MTMR3: variants seen among roughly 807,000 people sequenced by gnomAD.
MTMR3 encodes myotubularin related protein 3.
A neutral mutation model predicts 132.4 loss-of-function variants in MTMR3; 32 were observed. The ratio of observed to expected loss-of-function variants is 0.24; its 90% CI spans 0.18 to 0.32. The LOEUF (loss-of-function observed/expected upper bound fraction) is 0.32. MTMR3 is among the 10% of genes least tolerant of loss of function. The pLI, the probability that MTMR3 is intolerant of heterozygous loss-of-function variation, is 1.00. For synonymous variants in MTMR3, 556 were observed against 550.3 expected (o/e 1.01, Z -0.14); for missense variants, 1,216 against 1,489.6 (o/e 0.82, Z 3.02).
At chr22:29,947,899 CT>C (rs1186810944) in intron 1 of MTMR3, among the ~76,000 whole-genome samples, 1 of 152,030 alleles carries the variant, frequency 6.6e-6, no homozygotes, top group Non-Finnish European at 1.5e-5. Flanking sequence ...AGTTTCTGGT[CT>C]TTTGGCCATT....
At chr22:29,892,349 A>T (rs9614099) in intron 1 of MTMR3, among the ~76,000 whole-genome samples, 44,089 of 151,888 alleles carry the variant, frequency 0.29, 7,510 homozygotes, top group East Asian at 0.6. Context: ...AACATATTTT[A>T]AAAAATTATG....
intron 1 of MTMR3, among the ~76,000 whole-genome samples, chr22:29,948,596 A>C (rs1301195095): frequency 1.3e-5 from 2 of 152,144 alleles, no homozygotes; most frequent in Non-Finnish European, 2.9e-5. Flanking sequence ...GCCAGCCTTC[A>C]AATTAAGTTG....
chr22:29,976,692 A>G (rs1032067608), intron 3 of MTMR3, among the ~76,000 whole-genome samples: 1 of 152,200 alleles, frequency 6.6e-6, no homozygotes, highest in Non-Finnish European at 1.5e-5. Context: ...CAGTGAAGAA[A>G]GGCAATAATA....
rs1444360449 is a variant in MTMR3 at position 30,011,029 on chromosome 22, A to G, written c.1122-1339A>G. The G allele has an allele frequency of 2.0e-5, 3 of 152,190 alleles. No homozygotes were observed. The East Asian group carries it at 5.8e-4, about 29-fold the overall frequency. The allele number at this position is 152,190 out of a possible 1,614,324, so 9.4% of individuals were successfully genotyped here. On this transcript the variant is annotated intron_variant, in intron 12 of 19. Transcript: ENST00000401950. The stretch of plus-strand genomic sequence containing the variant: ...GGTAGTCCAAACAAATCCATATACA[A>G]CCAGTACTTATGCACTGCATTCTGT...
chr22:29,905,119 AAGTC>A (rs1350157918), intron 1 of MTMR3, among the ~76,000 whole-genome samples: 6 of 152,168 alleles, frequency 3.9e-5, no homozygotes, highest in Admixed American at 3.9e-4. Context: ...ACAATACAGA[AAGTC>A]AGCATATATC....
In MTMR3 at chr22:30,029,849, TC is replaced by T. The variant is rs1356850878; in HGVS notation, c.*4049del. 1.3e-5 allele frequency: 2 copies of T among 152,374 alleles called. No homozygotes were observed. The highest frequency in any genetic ancestry group is 2.9e-5 in the Non-Finnish European group (2 of 68,050). The allele number at this position is 152,374 out of a possible 1,614,324, so 9.4% of individuals were successfully genotyped here. ...GGAGTCCCAGCTGTTTAATTTCTAG[TC>T]ACATTTTCCAGAAAGTTGTTCTAAG... On this transcript the variant is annotated 3_prime_UTR_variant, in exon 20 of 20. Transcript: ENST00000401950.
At chr22:30,002,244 G>A (rs1027764493) in intron 8 of MTMR3, 1 of 152,030 alleles carries the variant, frequency 6.6e-6, no homozygotes, top group Admixed American at 6.6e-5. Context: ...TAATAGCTTA[G>A]TCACATTACT....
intron 1 of MTMR3, among the ~76,000 whole-genome samples, chr22:29,934,676 T>C (rs1173145297): frequency 6.6e-6 from 1 of 152,164 alleles, no homozygotes; most frequent in Non-Finnish European, 1.5e-5. Flanking sequence ...CCCATTATGG[T>C]GAGTTGTTTG....
intron 1 of MTMR3, among the ~76,000 whole-genome samples, chr22:29,928,501 A>G (rs2065571789): frequency 6.6e-6 from 1 of 151,804 alleles, no homozygotes; most frequent in Non-Finnish European, 1.5e-5. Flanking sequence ...CTTTCCCCCC[A>G]GTGCCCTTAT....
At chr22:29,928,982 ACAATTG>A (rs1461076351) in intron 1 of MTMR3, among the ~76,000 whole-genome samples, 1 of 152,182 alleles carries the variant, frequency 6.6e-6, no homozygotes, top group African/African-American at 2.4e-5. Context: ...AAAAGTGTGT[ACAATTG>A]CTCACTTTTG....
In MTMR3 at chr22:30,005,037, G is replaced by A. The variant is rs559853742; in HGVS notation, c.671+2044G>A. 3.3e-5 allele frequency: 5 copies of A among 152,364 alleles called. No individual in the cohort carries two copies. The East Asian group carries it at 9.6e-4, about 29-fold the overall frequency. The allele number at this position is 152,364 out of a possible 1,614,324, so 9.4% of individuals were successfully genotyped here. ...ATGATGTAAAGGGCACCCATCTGTA[G>A]TGCAGTTCACAGCTTTTTCCTTTGT... On this transcript the variant is annotated intron_variant, in intron 9 of 19. Transcript: ENST00000401950.
chr22:29,929,665 AT>A (rs1427502599), intron 1 of MTMR3, among the ~76,000 whole-genome samples: 2 of 151,976 alleles, frequency 1.3e-5, no homozygotes, highest in Admixed American at 6.6e-5. Context: ...GCGTGCCACC[AT>A]GCCCGGCTAA....
At chr22:29,891,865 C>G (rs528836431) in intron 1 of MTMR3, among the ~76,000 whole-genome samples, 2 of 152,094 alleles carry the variant, frequency 1.3e-5, no homozygotes, top group South Asian at 4.2e-4. Context: ...TTAAAATGTC[C>G]CATGCTAGGC....
At chr22:29,955,694 C>G (rs2066175068) in intron 1 of MTMR3, among the ~76,000 whole-genome samples, 1 of 152,168 alleles carries the variant, frequency 6.6e-6, no homozygotes, top group Admixed American at 6.5e-5. Flanking sequence ...TTCATTGTTG[C>G]ATATTTAGCT....
At position 30,007,243 on chromosome 22, in the gene MTMR3, G is replaced by T; in HGVS notation, c.801G>T (p.Ser267=). The T allele has an allele frequency of 1.9e-6, 3 of 1,614,206 alleles. No homozygotes were observed. Among genetic ancestry groups the T allele is most frequent in the Non-Finnish European group, 2.5e-6 (3 of 1,180,028 alleles). Residue 267 remains serine (S), a synonymous_variant, in exon 10 of 20, where the codon TCG becomes TCT. Coordinates refer to ENST00000401950, the MANE Select transcript of MTMR3 (RefSeq NM_021090.4). ...AAGCTTGTGCCTCTGACTCCCGATC[G>T]AGTGGCAGCAAGCTGTCAACTAGGA... ...VAKACASDSR[S]SGSKLSTRNT...
intron 5 of MTMR3, chr22:29,988,135 T>C (rs1437149558): frequency 1.3e-5 from 2 of 159,942 alleles, no homozygotes; most frequent in African/African-American, 4.8e-5. Flanking sequence ...TTCTATGTCA[T>C]TGCATCATTG....
intron 18 of MTMR3, 68 bp from the exon 19 acceptor site, chr22:30,022,541 C>T (rs906766790): frequency 7.2e-7 from 1 of 1,387,578 alleles, no homozygotes; most frequent in African/African-American, 1.4e-5. Flanking sequence ...CTGCCCCCAG[C>T]ATGGCTCTGC....
At chr22:29,963,225 G>A (rs1405079736) in intron 2 of MTMR3, among the ~76,000 whole-genome samples, 1 of 152,048 alleles carries the variant, frequency 6.6e-6, no homozygotes, top group Non-Finnish European at 1.5e-5. Flanking sequence ...GGGATTACAG[G>A]CATGAGCCAC....
chr22:30,007,915 A>G lies in MTMR3; in HGVS notation c.892A>G (p.Asn298Asp), dbSNP rs879628379. The change falls in exon 11 of 20, where the codon AAT (asparagine) becomes GAT (aspartate). Residue 298 changes from asparagine to aspartate, a missense_variant. This residue lies in a region of MTMR3 where 47 missense variants were observed against 46.8 expected (regional missense o/e 1.00). Transcript: ENST00000401950. The stretch of plus-strand genomic sequence containing the variant: ...TGTGTCCCTAGATTCTTCTCTGTCA[A>G]ATGCTTCAGGAGCAGAGAGTTTAGC... ...SDVEFDSSLS[N>D]ASGAESLAIQ... The G allele has an allele frequency of 1.9e-6, 3 of 1,613,466 alleles. No homozygotes were observed. Among genetic ancestry groups the G allele is most frequent in the Non-Finnish European group, 2.5e-6 (3 of 1,179,972 alleles).
Sources: gnomAD v4.1 joint callset for allele counts (sites outside exome capture counted in the v4.1 genomes callset) on GRCh38, gnomAD v4.1.1 for gene constraint, gnomAD v4.1.1 regional missense constraint, MANE v1.5 for transcripts, NCBI Gene and HGNC (gene_info 2026-07-23, HGNC 2026-07-21) for gene names.